Variants in PXDNL observed in about 807,000 individuals in gnomAD.
PXDNL encodes peroxidasin like.
Under a neutral mutation model 150.8 loss-of-function variants are expected in PXDNL, and 145 were observed. The observed-to-expected ratio is 0.96, with a 90% confidence interval of 0.84 to 1.10. The LOEUF (loss-of-function observed/expected upper bound fraction) is 1.10, where lower values mean the gene tolerates loss of function less well. Among genes scored for constraint, PXDNL ranks in the 50% least tolerant of loss-of-function variants. PXDNL has a pLI of 0.00. For missense variants in PXDNL, 2,087 were observed against 1,873.9 expected (o/e 1.11, Z -2.10); for synonymous variants, 757 against 725.7 (o/e 1.04, Z -0.69).
intron 4 of PXDNL, among the ~76,000 whole-genome samples, chr8:51,543,064 A>G (rs776324547): frequency 2.6e-5 from 4 of 152,196 alleles, no homozygotes; most frequent in Admixed American, 6.5e-5. Flanking sequence ...TGTTTCATAC[A>G]TTACCTCTAG....
At chr8:51,601,062 A>C (rs1281568537) in intron 2 of PXDNL, among the ~76,000 whole-genome samples, 1 of 148,598 alleles carries the variant, frequency 6.7e-6, no homozygotes, top group South Asian at 2.1e-4. Context: ...ATTATATCTT[A>C]TATCAAGATA....
chr8:51,565,325 G>C (rs11786048), intron 3 of PXDNL, among the ~76,000 whole-genome samples: 2 of 48,494 alleles, frequency 4.1e-5, no homozygotes, highest in Non-Finnish European at 9.1e-5. Flanking sequence ...TAAATAAATA[G>C]ATAGATAGAT....
intron 1 of PXDNL, among the ~76,000 whole-genome samples, chr8:51,726,807 C>T (rs895642179): frequency 2.0e-5 from 3 of 152,090 alleles, no homozygotes; most frequent in African/African-American, 2.4e-5. Flanking sequence ...AAAAAATAAC[C>T]TACTATACTG....
At chr8:51,413,502 G>A (rs772573294) in intron 14 of PXDNL, among the ~76,000 whole-genome samples, 3 of 152,112 alleles carry the variant, frequency 2.0e-5, no homozygotes, top group Non-Finnish European at 4.4e-5. Flanking sequence ...CCAAAATCTA[G>A]TAAAGCTATG....
At chr8:51,350,284 G>T (rs1455428315) in intron 19 of PXDNL, among the ~76,000 whole-genome samples, 1 of 150,556 alleles carries the variant, frequency 6.6e-6, no homozygotes, top group Admixed American at 6.6e-5. Context: ...GTCTGACCAG[G>T]TATGCCATTT....
intron 5 of PXDNL, among the ~76,000 whole-genome samples, chr8:51,484,933 C>G (rs1010069012): frequency 6.6e-6 from 1 of 152,178 alleles, no homozygotes; most frequent in Non-Finnish European, 1.5e-5. Context: ...ACGATGGTCT[C>G]TGCAATATAG....
At chr8:51,675,906 T>A (rs906494826) in intron 1 of PXDNL, among the ~76,000 whole-genome samples, 6 of 152,006 alleles carry the variant, frequency 3.9e-5, no homozygotes, top group African/African-American at 1.4e-4. Flanking sequence ...TCAGTCAATA[T>A]AGAAAGCAGA....
chr8:51,622,285 T>C (rs1276577158), intron 2 of PXDNL, among the ~76,000 whole-genome samples: 1 of 152,110 alleles, frequency 6.6e-6, no homozygotes, highest in Non-Finnish European at 1.5e-5. Context: ...CCCCAGAGCC[T>C]CTGGGTGAGG....
chr8:51,729,447 T>C (rs1422299210), intron 1 of PXDNL, among the ~76,000 whole-genome samples: 2 of 152,188 alleles, frequency 1.3e-5, no homozygotes, highest in Non-Finnish European at 2.9e-5. Flanking sequence ...AACAATGAGA[T>C]ACCACTACAC....
At chr8:51,667,933 A>T (rs563106783) in intron 1 of PXDNL, among the ~76,000 whole-genome samples, 3 of 152,280 alleles carry the variant, frequency 2.0e-5, no homozygotes, top group Admixed American at 1.3e-4. Flanking sequence ...CATGCCTGAA[A>T]ATCATTCTGT....
At position 51,527,047 on chromosome 8, in the gene PXDNL, C is replaced by T. The variant is rs185015459; in HGVS notation, c.381-27277G>A. Among the ~76,000 whole-genome samples, 33 of 152,328 alleles carry T rather than the reference C, an allele frequency of 2.2e-4. No individual in the cohort carries two copies. The East Asian group carries it at 6.0e-3, about 28-fold the overall frequency. On this transcript the variant is annotated intron_variant, in intron 4 of 22. Transcript: ENST00000356297. Reference sequence around the variant, plus strand: ...TTCATATACCTCTTTCCCTTCCCCACTGCAAGGGTCTTCAATTTGACTCAT... The same window carrying T: ...TTCATATACCTCTTTCCCTTCCCCATTGCAAGGGTCTTCAATTTGACTCAT...
intron 4 of PXDNL, among the ~76,000 whole-genome samples, chr8:51,540,800 A>G (rs1049546987): frequency 6.6e-6 from 1 of 152,190 alleles, no homozygotes; most frequent in Non-Finnish European, 1.5e-5. Context: ...TTACTAAAAG[A>G]GGAGCGTGGA....
intron 2 of PXDNL, among the ~76,000 whole-genome samples, chr8:51,642,606 G>T (rs1814793572): frequency 6.6e-6 from 1 of 152,126 alleles, no homozygotes; most frequent in Non-Finnish European, 1.5e-5. Flanking sequence ...GCAAAAACTG[G>T]AAGCATTCCC....
intron 14 of PXDNL, among the ~76,000 whole-genome samples, chr8:51,418,614 T>G (rs545007883): frequency 6.4e-4 from 97 of 152,338 alleles, no homozygotes; most frequent in African/African-American, 2.2e-3. Context: ...GGTTAATTAA[T>G]GTATAGCATT....
intron 1 of PXDNL, among the ~76,000 whole-genome samples, chr8:51,730,883 A>T (rs1254768914): frequency 1.3e-5 from 2 of 152,178 alleles, no homozygotes; most frequent in Non-Finnish European, 2.9e-5. Flanking sequence ...TCACTATCAC[A>T]AGAACAGCAC....
At chr8:51,399,136 T>C (rs892525753) in intron 17 of PXDNL, among the ~76,000 whole-genome samples, 3 of 151,726 alleles carry the variant, frequency 2.0e-5, no homozygotes, top group Non-Finnish European at 2.9e-5. Context: ...CCAGTGGGAG[T>C]GAATAATATT....
chr8:51,390,742 TTTTTA>T (rs1038277576), intron 17 of PXDNL, among the ~76,000 whole-genome samples: 1 of 152,038 alleles, frequency 6.6e-6, no homozygotes, highest in Non-Finnish European at 1.5e-5. Flanking sequence ...TTTTCTTTTT[TTTTTA>T]TTTTATTATT....
At position 51,661,012 on chromosome 8, in the gene PXDNL, G is replaced by C. The variant is rs528143026; in HGVS notation, c.165-6252C>G. ...CTGTCGGGACACTGCCGCACTGCCC[G>C]GCCTTGGAGTCAGGGGAAGAATCAA... On this transcript the variant is annotated intron_variant, in intron 1 of 22. Coordinates refer to ENST00000356297, the MANE Select transcript of PXDNL (RefSeq NM_144651.5). Among the ~76,000 whole-genome samples the C allele has an allele frequency of 1.4e-3, 212 of 152,232 alleles. 1 individual carries two copies. Among genetic ancestry groups the C allele is most frequent in the Admixed American group, 3.7e-3 (57 of 15,288 alleles).
intron 17 of PXDNL, among the ~76,000 whole-genome samples, chr8:51,388,555 C>G (rs1267509089): frequency 6.6e-6 from 1 of 152,138 alleles, no homozygotes; most frequent in Non-Finnish European, 1.5e-5. Flanking sequence ...AGATGTTCTG[C>G]AGATGAGTAC....
Sources: allele counts gnomAD v4.1 joint callset (sites outside exome capture counted in the v4.1 genomes callset), GRCh38; gene constraint gnomAD v4.1.1; transcripts MANE v1.5; gene names NCBI Gene and HGNC (gene_info 2026-07-23, HGNC 2026-07-21).